The following FAT3 variants were observed in gnomAD, a reference collection of about 807,000 sequenced individuals.
The protein encoded by FAT3 is protocadherin Fat 3.
FAT3 carries 95 observed loss-of-function variants against 310.2 expected under a neutral mutation model. The ratio of observed to expected loss-of-function variants is 0.31; its 90% confidence interval spans 0.26 to 0.36. FAT3 has a LOEUF of 0.36. Among genes scored for constraint, FAT3 ranks in the 10% least tolerant of loss-of-function variants. The pLI, the probability that FAT3 is intolerant of heterozygous loss-of-function variation, is 1.00. For missense variants in FAT3, 5,408 were observed against 5,715.6 expected (o/e 0.95, Z 1.74); for synonymous variants, 2,314 against 2,192.9 (o/e 1.06, Z -1.54).
chr11:92,873,794 T>C (rs1300446485), intron 22 of FAT3, among the ~76,000 whole-genome samples: 1 of 152,202 alleles, frequency 6.6e-6, no homozygotes, highest in East Asian at 1.9e-4. Context: ...GGCTTAAAAA[T>C]ACACTTCTCA....
chr11:92,547,692 T>A (rs1446329517), intron 3 of FAT3, among the ~76,000 whole-genome samples: 1 of 152,138 alleles, frequency 6.6e-6, no homozygotes, highest in East Asian at 1.9e-4. Context: ...GCCCACACTC[T>A]GCTCTGTCCC....
chr11:92,426,983 C>T (rs965877793), intron 2 of FAT3, among the ~76,000 whole-genome samples: 9 of 152,088 alleles, frequency 5.9e-5, no homozygotes, highest in Non-Finnish European at 1.0e-4. Flanking sequence ...GCCATTTTCA[C>T]GCTATTGATT....
At chr11:92,589,688 C>T (rs1188888915) in intron 3 of FAT3, among the ~76,000 whole-genome samples, 1 of 152,020 alleles carries the variant, frequency 6.6e-6, no homozygotes, top group Admixed American at 6.6e-5. Context: ...CTCTCCCCCA[C>T]ACCCCGCCAC....
At chr11:92,817,813 T>C (rs1340428830) in intron 13 of FAT3, among the ~76,000 whole-genome samples, 1 of 152,202 alleles carries the variant, frequency 6.6e-6, no homozygotes, top group Non-Finnish European at 1.5e-5. Context: ...CAAACCACCT[T>C]CAGTGAATCT....
At chr11:92,860,116 A>G (rs189622681) in intron 21 of FAT3, among the ~76,000 whole-genome samples, 7 of 152,336 alleles carry the variant, frequency 4.6e-5, no homozygotes, top group Admixed American at 3.3e-4. Context: ...GCCACTGCAC[A>G]GTAATCTGGG....
Position 92,353,296 on chromosome 11 carries a change from T to G in FAT3, c.1184T>G (p.Val395Gly). The change falls in exon 2 of 28, where the codon GTT (valine) becomes GGT (glycine). Residue 395 changes from valine to glycine, a missense_variant. Physicochemically the swap from Val to Gly is moderately radical, Grantham distance 109 (BLOSUM62 -3). This residue lies in a region of FAT3 where 4,588 missense variants were observed against 4,809.8 expected (regional missense o/e 0.95). Transcript: ENST00000525166. Reference protein sequence around the residue: ...ISEFSPPGVVVAIVKLSPEPI... With the variant: ...ISEFSPPGVVGAIVKLSPEPI... Reference sequence around the variant, plus strand: ...GAATTTTCCCCTCCTGGTGTCGTGGTTGCTATAGTAAAATTAAGTCCTGAA... The same window carrying G: ...GAATTTTCCCCTCCTGGTGTCGTGGGTGCTATAGTAAAATTAAGTCCTGAA... The G allele has an allele frequency of 6.2e-7, 1 of 1,613,712 alleles. No homozygotes were observed. Among genetic ancestry groups the G allele is most frequent in the Non-Finnish European group, 8.5e-7 (1 of 1,179,816 alleles).
At chr11:92,594,955 G>C (rs183970920) in intron 3 of FAT3, among the ~76,000 whole-genome samples, 4 of 151,948 alleles carry the variant, frequency 2.6e-5, no homozygotes, top group Admixed American at 2.6e-4. Flanking sequence ...ACCTATTAAG[G>C]TGCTCATTCA....
At chr11:92,791,923 A>G (rs759193639) in intron 8 of FAT3, among the ~76,000 whole-genome samples, 63 of 152,246 alleles carry the variant, frequency 4.1e-4, no homozygotes, top group Non-Finnish European at 6.5e-4. Context: ...GAAGAAAATG[A>G]CAAATGGTTG....
chr11:92,743,656 G>C (rs1945571355), intron 4 of FAT3, among the ~76,000 whole-genome samples: 1 of 152,234 alleles, frequency 6.6e-6, no homozygotes, highest in Admixed American at 6.5e-5. Context: ...AGGACAGCTT[G>C]CTATGGTTTG....
At chr11:92,727,234 A>G (rs955490773) in intron 4 of FAT3, among the ~76,000 whole-genome samples, 1 of 152,144 alleles carries the variant, frequency 6.6e-6, no homozygotes, top group East Asian at 1.9e-4. Flanking sequence ...TCTTTCTGAT[A>G]CCTGGTGCCC....
chr11:92,857,256 C>T lies in FAT3; in HGVS notation c.11408C>T (p.Pro3803Leu), dbSNP rs369650040. The T allele has an allele frequency of 1.1e-5, 18 of 1,613,822 alleles. No individual in the cohort carries two copies. The highest frequency in any genetic ancestry group is 3.3e-5 in the Admixed American group (2 of 59,998). Residue 3803 changes from proline to leucine, a missense_variant, in exon 20 of 28, where the codon CCG becomes CTG. Coordinates refer to ENST00000525166, the MANE Select transcript of FAT3 (RefSeq NM_001367949.2). ...TCCAACGATCCTTGTGTGGAGAAGCCGTGTCCAGGGGACATGCAGTGTGTC... is the reference window on the plus strand; with the variant it reads ...TCCAACGATCCTTGTGTGGAGAAGCTGTGTCCAGGGGACATGCAGTGTGTC... ...PGSNDPCVEK[P>L]CPGDMQCVSY...
At chr11:92,614,409 G>A (rs1378676350) in intron 3 of FAT3, among the ~76,000 whole-genome samples, 4 of 152,074 alleles carry the variant, frequency 2.6e-5, no homozygotes, top group African/African-American at 9.7e-5. Flanking sequence ...ATCAACACTT[G>A]TCATTATCTG....
chr11:92,233,230 A>G (rs1864265423), intron 1 of FAT3, among the ~76,000 whole-genome samples: 1 of 152,188 alleles, frequency 6.6e-6, no homozygotes, highest in Non-Finnish European at 1.5e-5. Context: ...TGTCTCCTAT[A>G]CTGGTACTAA....
chr11:92,409,656 G>A (rs1950209172), intron 2 of FAT3, among the ~76,000 whole-genome samples: 1 of 152,028 alleles, frequency 6.6e-6, no homozygotes, highest in Non-Finnish European at 1.5e-5. Flanking sequence ...CTTGTATTTG[G>A]TATTCAAAAG....
chr11:92,566,046 C>G (rs1214774961), intron 3 of FAT3, among the ~76,000 whole-genome samples: 2 of 152,102 alleles, frequency 1.3e-5, no homozygotes, highest in East Asian at 1.9e-4. Flanking sequence ...GGGCAATAGG[C>G]AGGAGAAGGA....
intron 3 of FAT3, among the ~76,000 whole-genome samples, chr11:92,697,035 T>C (rs1394018479): frequency 6.6e-6 from 1 of 152,212 alleles, no homozygotes; most frequent in African/African-American, 2.4e-5. Context: ...GTTCAGGAAC[T>C]CTAAAATCTT....
intron 1 of FAT3, among the ~76,000 whole-genome samples, chr11:92,306,765 AAATAAATT>A (rs1947150396): frequency 1.5e-5 from 2 of 130,066 alleles, no homozygotes; most frequent in Non-Finnish European, 3.1e-5. Flanking sequence ...ATATATATAT[AAATAAATT>A]ATATATATAT....
intron 21 of FAT3, among the ~76,000 whole-genome samples, chr11:92,860,053 T>C (rs1386217909): frequency 6.6e-6 from 1 of 152,000 alleles, no homozygotes; most frequent in Non-Finnish European, 1.5e-5. Flanking sequence ...AATACAAAAA[T>C]TAGCTAGGCA....
chr11:92,495,716 A>G lies in FAT3; in HGVS notation c.3293-28918A>G, dbSNP rs543977528. ...GGAGTTCAGCTTTACATTGCAGAGA[A>G]CACCCATCCAACTCCAGTGATTTCT... is the stretch of plus-strand genomic sequence containing the variant. On this transcript the variant is annotated intron_variant, in intron 2 of 27. Transcript: ENST00000525166. 2.8e-4 allele frequency among the ~76,000 whole-genome samples: 42 copies of G among 152,172 alleles called. No homozygotes were observed. The South Asian group carries it at 8.1e-3, about 29-fold the overall frequency.
Sources: allele counts gnomAD v4.1 joint callset (sites outside exome capture counted in the v4.1 genomes callset), GRCh38; gene constraint gnomAD v4.1.1; regional missense constraint gnomAD v4.1.1; transcripts MANE v1.5; gene names NCBI Gene and HGNC (gene_info 2026-07-23, HGNC 2026-07-21).